MACROD2: variants seen among roughly 807,000 people sequenced by gnomAD.
The protein encoded by MACROD2 is mono-ADP ribosylhydrolase 2.
MACROD2 carries 36 observed loss-of-function variants against 70.4 expected under a neutral mutation model. The observed-to-expected ratio is 0.51, with a 90% CI of 0.39 to 0.68. The LOEUF (loss-of-function observed/expected upper bound fraction) is 0.68. Ranked by LOEUF, MACROD2 falls within the 30% of genes least tolerant of loss-of-function variation. The pLI is 0.00. For missense variants in MACROD2, 496 were observed against 538.4 expected (o/e 0.92, Z 0.78); for synonymous variants, 172 against 178.8 (o/e 0.96, Z 0.30).
At chr20:14,000,494 T>A (rs970544282) in intron 1 of MACROD2, among the ~76,000 whole-genome samples, 5 of 152,228 alleles carry the variant, frequency 3.3e-5, no homozygotes, top group Non-Finnish European at 5.9e-5. Context: ...AACTAGATAC[T>A]AACTATCCCT....
chr20:15,700,683 G>A (rs1011921539), intron 8 of MACROD2, among the ~76,000 whole-genome samples: 2 of 152,150 alleles, frequency 1.3e-5, no homozygotes, highest in Non-Finnish European at 2.9e-5. Context: ...AAACAAGGCA[G>A]CTGTATTAGA....
chr20:14,564,499 C>G (rs952250280), intron 4 of MACROD2, among the ~76,000 whole-genome samples: 1 of 151,610 alleles, frequency 6.6e-6, no homozygotes, highest in African/African-American at 2.4e-5. Flanking sequence ...AATAACTCAA[C>G]AAGAAAAAAA....
chr20:14,735,875 T>C (rs1444468105), intron 5 of MACROD2, among the ~76,000 whole-genome samples: 1 of 151,928 alleles, frequency 6.6e-6, no homozygotes, highest in Non-Finnish European at 1.5e-5. Flanking sequence ...TAACAATAAA[T>C]AAATAAATAA....
chr20:14,029,848 C>G (rs577281273), intron 2 of MACROD2, among the ~76,000 whole-genome samples: 1 of 152,086 alleles, frequency 6.6e-6, no homozygotes, highest in Non-Finnish European at 1.5e-5. Context: ...TTTATCGATA[C>G]TTTCTGTTAT....
At chr20:14,223,961 G>C (rs2081707380) in intron 3 of MACROD2, among the ~76,000 whole-genome samples, 1 of 152,168 alleles carries the variant, frequency 6.6e-6, no homozygotes, top group Non-Finnish European at 1.5e-5. Context: ...ACCTGAGAAA[G>C]AGTTGCAGTT....
chr20:14,453,411 T>G (rs1478464950), intron 3 of MACROD2, among the ~76,000 whole-genome samples: 1 of 152,134 alleles, frequency 6.6e-6, no homozygotes, highest in Non-Finnish European at 1.5e-5. Flanking sequence ...CTTTTTTTCC[T>G]GCTTACCTTG....
chr20:14,921,684 G>C (rs2074165678), intron 5 of MACROD2, among the ~76,000 whole-genome samples: 1 of 152,120 alleles, frequency 6.6e-6, no homozygotes, highest in Admixed American at 6.6e-5. Context: ...GCAGGCTGGG[G>C]CTTTGCCATT....
At chr20:15,144,073 C>G (rs1407582828) in intron 5 of MACROD2, among the ~76,000 whole-genome samples, 1 of 149,674 alleles carries the variant, frequency 6.7e-6, no homozygotes. Flanking sequence ...TTGGACGGTG[C>G]CAAAGCATGA....
At chr20:14,799,208 G>A (rs2041113228) in intron 5 of MACROD2, among the ~76,000 whole-genome samples, 1 of 151,946 alleles carries the variant, frequency 6.6e-6, no homozygotes, top group Non-Finnish European at 1.5e-5. Flanking sequence ...CTTCTGATGA[G>A]ATTTTGATTT....
chr20:15,686,520 C>G (rs1373591098), intron 8 of MACROD2, among the ~76,000 whole-genome samples: 1 of 151,930 alleles, frequency 6.6e-6, no homozygotes, highest in Admixed American at 6.6e-5. Context: ...CCAGCTGAAA[C>G]TAGAATAGGT....
intron 8 of MACROD2, among the ~76,000 whole-genome samples, chr20:15,822,863 T>C (rs139817238): frequency 5.3e-5 from 8 of 152,308 alleles, no homozygotes; most frequent in Middle Eastern, 3.4e-3. Flanking sequence ...GTGGATTATC[T>C]ACCTCAGTGA....
intron 3 of MACROD2, among the ~76,000 whole-genome samples, chr20:14,141,454 A>G (rs2054871808): frequency 6.6e-6 from 1 of 152,148 alleles, no homozygotes; most frequent in African/African-American, 2.4e-5. Flanking sequence ...TGCTATAAAG[A>G]TTAAAGGGCG....
chr20:15,712,037 A>G (rs187944664), intron 8 of MACROD2, among the ~76,000 whole-genome samples: 24 of 152,312 alleles, frequency 1.6e-4, no homozygotes, highest in African/African-American at 4.8e-4. Flanking sequence ...TTGAAAAAAG[A>G]CGACAGAACA....
intron 3 of MACROD2, among the ~76,000 whole-genome samples, chr20:14,487,397 A>G (rs1394524431): frequency 6.6e-6 from 1 of 152,132 alleles, no homozygotes; most frequent in African/African-American, 2.4e-5. Flanking sequence ...AGAAACAGAA[A>G]CTCCAAGAGT....
At chr20:15,381,801 A>C (rs1314741562) in intron 6 of MACROD2, among the ~76,000 whole-genome samples, 5 of 152,238 alleles carry the variant, frequency 3.3e-5, no homozygotes, top group Non-Finnish European at 5.9e-5. Context: ...CCTGTGGACC[A>C]GAGATGAGCC....
chr20:14,804,724 C>T (rs1273087890), intron 5 of MACROD2, among the ~76,000 whole-genome samples: 2 of 152,012 alleles, frequency 1.3e-5, no homozygotes, highest in Admixed American at 1.3e-4. Flanking sequence ...ACTACAATTA[C>T]CAGGAAAGCC....
At chr20:14,221,989 G>A (rs1047767312) in intron 3 of MACROD2, among the ~76,000 whole-genome samples, 16 of 152,148 alleles carry the variant, frequency 1.1e-4, no homozygotes, top group African/African-American at 3.9e-4. Context: ...CAAAACAGAT[G>A]TTGGTGAGGA....
At chr20:15,875,208 G>A (rs2064650873) in intron 9 of MACROD2, among the ~76,000 whole-genome samples, 3 of 152,110 alleles carry the variant, frequency 2.0e-5, no homozygotes, top group African/African-American at 7.2e-5. Context: ...AGTTTGTGTT[G>A]TTAGTAGAAA....
chr20:15,152,954 TGAGGGATA>T (rs1184091428), intron 5 of MACROD2, among the ~76,000 whole-genome samples: 1 of 151,920 alleles, frequency 6.6e-6, no homozygotes, highest in African/African-American at 2.4e-5. Flanking sequence ...AGAAAGAGGT[TGAGGGATA>T]GTGAGAGAGG....
Sources: allele counts gnomAD v4.1 joint callset (sites outside exome capture counted in the v4.1 genomes callset), GRCh38; gene constraint gnomAD v4.1.1; transcripts MANE v1.5; gene names NCBI Gene and HGNC (gene_info 2026-07-23, HGNC 2026-07-21).